Variants in TMTC1 observed in about 807,000 individuals in gnomAD.
TMTC1 encodes the protein protein O-mannosyl-transferase TMTC1.
Under a neutral mutation model 104.8 loss-of-function variants are expected in TMTC1, and 73 were observed. The ratio of observed to expected loss-of-function variants is 0.70; its 90% CI spans 0.58 to 0.85. TMTC1 has a LOEUF of 0.85. TMTC1 is among the 40% of genes least tolerant of loss of function. The pLI, the probability that TMTC1 is intolerant of heterozygous loss-of-function variation, is 0.00. For synonymous variants in TMTC1, 434 were observed against 428.7 expected (o/e 1.01, Z -0.15); for missense variants, 1,035 against 1,096.1 (o/e 0.94, Z 0.79).
At chr12:29,556,186 C>T (rs1212878049) in intron 10 of TMTC1, among the ~76,000 whole-genome samples, 1 of 152,114 alleles carries the variant, frequency 6.6e-6, no homozygotes, top group South Asian at 2.1e-4. Context: ...TTACTGTAGT[C>T]TTCAGTAACT....
intron 11 of TMTC1, chr12:29,535,724 A>G (rs1393706092): frequency 6.3e-6 from 1 of 157,510 alleles, no homozygotes; most frequent in East Asian, 1.9e-4. Flanking sequence ...CACGACTGAA[A>G]AGAAGGAGGG....
intron 2 of TMTC1, among the ~76,000 whole-genome samples, chr12:29,763,474 C>T (rs1425888394): frequency 1.2e-4 from 19 of 152,222 alleles, no homozygotes; most frequent in Admixed American, 1.1e-3. Flanking sequence ...GTGTGTTTAA[C>T]TCCAGTTAAC....
chr12:29,744,416 T>G (rs1318692815), intron 5 of TMTC1, among the ~76,000 whole-genome samples: 1 of 152,178 alleles, frequency 6.6e-6, no homozygotes, highest in Non-Finnish European at 1.5e-5. Context: ...AAAGAAACTA[T>G]CAACTGCTAC....
intron 10 of TMTC1, among the ~76,000 whole-genome samples, chr12:29,543,645 C>T (rs1224575270): frequency 6.6e-6 from 1 of 152,096 alleles, no homozygotes; most frequent in East Asian, 1.9e-4. Flanking sequence ...CTGACTTTAC[C>T]AGCTCTTCTA....
chr12:29,518,337 A>G, intron 13 of TMTC1, 135 bp downstream of exon 13: 2 of 964,482 alleles, frequency 2.1e-6, no homozygotes, highest in East Asian at 2.5e-5. Context: ...TTCTTTGGAG[A>G]TAAAAATTTG....
At position 29,507,683 on chromosome 12, in the gene TMTC1, C is replaced by G. The variant is rs149303702; in HGVS notation, c.2509-697G>C. On this transcript the variant is annotated intron_variant, in intron 17 of 17. Transcript: ENST00000539277. Reference sequence around the variant, plus strand: ...CCAACTGTTTTGTTTGATTCTTCAACTAGCAACCATGTGTGCCTGGTCCCA... The same window carrying G: ...CCAACTGTTTTGTTTGATTCTTCAAGTAGCAACCATGTGTGCCTGGTCCCA... Among the ~76,000 whole-genome samples, 622 of 152,336 alleles carry G rather than the reference C, an allele frequency of 4.1e-3. 3 individuals carry two copies. The highest frequency in any genetic ancestry group is 0.014 in the African/African-American group (584 of 41,570).
intron 5 of TMTC1, among the ~76,000 whole-genome samples, chr12:29,728,899 G>A (rs898623671): frequency 5.3e-5 from 8 of 150,500 alleles, no homozygotes; most frequent in Non-Finnish European, 1.5e-5. Flanking sequence ...TAGGGAGGCT[G>A]AGGCAGGAGA....
chr12:29,582,487 G>C (rs1946009225), intron 8 of TMTC1, among the ~76,000 whole-genome samples: 1 of 152,188 alleles, frequency 6.6e-6, no homozygotes, highest in Admixed American at 6.5e-5. Flanking sequence ...CTTTTCCTAA[G>C]ACTTTGATGT....
chr12:29,617,310 A>T (rs994171), intron 6 of TMTC1, among the ~76,000 whole-genome samples: 56,287 of 151,444 alleles, frequency 0.37, 10,886 homozygotes, highest in East Asian at 0.46. Flanking sequence ...CTCTTGAAAA[A>T]TTTCCCATCC....
intron 5 of TMTC1, among the ~76,000 whole-genome samples, chr12:29,736,129 C>T (rs568146587): frequency 6.6e-6 from 1 of 152,096 alleles, no homozygotes; most frequent in African/African-American, 2.4e-5. Context: ...TCGTTATGGG[C>T]TCAGAAAGCA....
intron 5 of TMTC1, among the ~76,000 whole-genome samples, chr12:29,741,188 T>TAATGCTCA (rs1328975736): frequency 3.3e-5 from 5 of 152,202 alleles, no homozygotes; most frequent in African/African-American, 1.2e-4. Flanking sequence ...GCATTTGAGC[T>TAATGCTCA]AAGTTCCAAA....
At chr12:29,579,266 T>C (rs927103758) in intron 8 of TMTC1, among the ~76,000 whole-genome samples, 1 of 152,224 alleles carries the variant, frequency 6.6e-6, no homozygotes, top group Non-Finnish European at 1.5e-5. Context: ...GGGTCACTAA[T>C]GTGTCCATGT....
intron 5 of TMTC1, among the ~76,000 whole-genome samples, chr12:29,662,982 C>T (rs73269872): frequency 1.3e-5 from 2 of 152,190 alleles, no homozygotes; most frequent in Non-Finnish European, 2.9e-5. Context: ...GAGAGCTTGA[C>T]AAGAAAGAAC....
At chr12:29,746,645 C>A (rs1942962642) in intron 5 of TMTC1, among the ~76,000 whole-genome samples, 1 of 152,156 alleles carries the variant, frequency 6.6e-6, no homozygotes. Flanking sequence ...CATTGAAGGT[C>A]AAAATATTTA....
intron 5 of TMTC1, among the ~76,000 whole-genome samples, chr12:29,667,482 CAAAG>C (rs1940330182): frequency 6.6e-6 from 1 of 151,968 alleles, no homozygotes; most frequent in South Asian, 2.1e-4. Flanking sequence ...AAAATGACGA[CAAAG>C]AAGCCATAGG....
At chr12:29,550,412 C>G (rs1665532267) in intron 10 of TMTC1, among the ~76,000 whole-genome samples, 1 of 152,066 alleles carries the variant, frequency 6.6e-6, no homozygotes, top group African/African-American at 2.4e-5. Flanking sequence ...GAGAATAGCA[C>G]CTGTCACGGA....
intron 5 of TMTC1, among the ~76,000 whole-genome samples, chr12:29,710,282 G>A (rs958443555): frequency 5.3e-5 from 8 of 152,060 alleles, no homozygotes; most frequent in Non-Finnish European, 1.0e-4. Context: ...GGACACAGCA[G>A]ATCTTTTGTA....
In TMTC1 at chr12:29,744,041, G is replaced by A. The variant is rs549730266; in HGVS notation, c.938+7625C>T. Reference sequence around the variant, plus strand: ...TGAGACCCGAGATCCTCTTTCAACAGCCTGTTGTGACAGTGATGGAATTGC... The same window carrying A: ...TGAGACCCGAGATCCTCTTTCAACAACCTGTTGTGACAGTGATGGAATTGC... On this transcript the variant is annotated intron_variant, in intron 5 of 17. Coordinates refer to ENST00000539277, the MANE Select transcript of TMTC1 (RefSeq NM_001193451.2). Among the ~76,000 whole-genome samples, 10 of 152,270 alleles carry A rather than the reference G, an allele frequency of 6.6e-5. No individual in the cohort carries two copies. In the East Asian group the frequency reaches 1.4e-3, roughly 21 times the overall value.
chr12:29,689,261 T>G (rs61922257), intron 5 of TMTC1, among the ~76,000 whole-genome samples: 12 of 91,664 alleles, frequency 1.3e-4, no homozygotes, highest in Non-Finnish European at 1.8e-4. Context: ...AAGCCACTGG[T>G]TTTTTTTTTT....
Sources: allele counts gnomAD v4.1 joint callset (sites outside exome capture counted in the v4.1 genomes callset), GRCh38; gene constraint gnomAD v4.1.1; transcripts MANE v1.5; gene names NCBI Gene and HGNC (gene_info 2026-07-23, HGNC 2026-07-21).